USP15: variants seen among roughly 807,000 people sequenced by gnomAD.
USP15 encodes the protein ubiquitin specific peptidase 15.
In USP15, 18 loss-of-function variants were observed where a neutral mutation model predicts 127.1. The ratio of observed to expected loss-of-function variants is 0.14; its 90% CI spans 0.10 to 0.21. The LOEUF is 0.21. USP15 is among the 10% of genes least tolerant of loss of function. USP15 has a pLI of 1.00. For missense variants in USP15, 805 were observed against 1,159.9 expected, an observed-to-expected ratio of 0.69 and a Z score of 4.44; for synonymous variants, 364 against 393.7, an observed-to-expected ratio of 0.92 and a Z score of 0.89.
At chr12:62,365,219 G>C (rs1477967846) in intron 8 of USP15, among the ~76,000 whole-genome samples, 1 of 152,162 alleles carries the variant, frequency 6.6e-6, no homozygotes, top group Non-Finnish European at 1.5e-5. Context: ...TCCAGCATCT[G>C]TTGTTTCCTG....
intron 3 of USP15, among the ~76,000 whole-genome samples, chr12:62,309,365 A>G (rs1038013345): frequency 6.6e-6 from 1 of 152,156 alleles, no homozygotes; most frequent in Non-Finnish European, 1.5e-5. Flanking sequence ...TAAAATGTCA[A>G]TACAGTAAGA....
chr12:62,294,368 G>A (rs1256591281), intron 2 of USP15, 62 bp downstream of exon 2: 4 of 1,555,286 alleles, frequency 2.6e-6, no homozygotes, highest in Non-Finnish European at 3.5e-6. Context: ...ATAAATGTCA[G>A]TGGGTTGAAT....
chr12:62,292,202 G>T (rs1342274428), intron 1 of USP15, among the ~76,000 whole-genome samples: 1 of 152,160 alleles, frequency 6.6e-6, no homozygotes, highest in East Asian at 1.9e-4. Flanking sequence ...CAGCAGGCAG[G>T]AATGTGATGT....
At chr12:62,336,320 C>T in intron 6 of USP15, 1 of 985,358 alleles carries the variant, frequency 1.0e-6, no homozygotes, top group Non-Finnish European at 1.2e-6. Context: ...AATCTTTTTA[C>T]CCCTCCTTCT....
chr12:62,361,975 G>A lies in USP15; in HGVS notation c.915+6500G>A, dbSNP rs73321560. On this transcript the variant is annotated intron_variant, in intron 8 of 21. Coordinates refer to ENST00000280377, the MANE Select transcript of USP15 (RefSeq NM_001252078.2). Reference sequence around the variant, plus strand: ...TTAACAGCCCTGTATTGAACCTGCAGCCTCTGTTAAGAGTGGTACCCTTCT... The same window carrying A: ...TTAACAGCCCTGTATTGAACCTGCAACCTCTGTTAAGAGTGGTACCCTTCT... Among the ~76,000 whole-genome samples, 1,350 of 152,078 alleles carry A rather than the reference G, an allele frequency of 8.9e-3. 18 individuals carry two copies. The highest frequency in any genetic ancestry group is 0.03 in the African/African-American group (1,249 of 41,516).
intron 4 of USP15, among the ~76,000 whole-genome samples, chr12:62,320,328 G>T (rs2064949844): frequency 6.6e-6 from 1 of 152,104 alleles, no homozygotes; most frequent in Non-Finnish European, 1.5e-5. Flanking sequence ...GCTCCTCCAT[G>T]ATAAGATGTG....
At chr12:62,363,706 C>T (rs1422674607) in intron 8 of USP15, among the ~76,000 whole-genome samples, 1 of 151,954 alleles carries the variant, frequency 6.6e-6, no homozygotes, top group Non-Finnish European at 1.5e-5. Context: ...TGCTCTCTCT[C>T]TCCCTCTCTC....
chr12:62,345,845 C>G (rs1392507371), intron 6 of USP15, among the ~76,000 whole-genome samples: 2 of 152,112 alleles, frequency 1.3e-5, no homozygotes, highest in African/African-American at 4.8e-5. Flanking sequence ...CAGAAAAACT[C>G]CCATTTTTAA....
At chr12:62,331,735 G>A (rs796614082) in intron 6 of USP15, among the ~76,000 whole-genome samples, 31 of 152,194 alleles carry the variant, frequency 2.0e-4, no homozygotes, top group African/African-American at 7.5e-4. Flanking sequence ...TTCAAAAAAT[G>A]TTAAGGGTAA....
chr12:62,287,122 A>T (rs1347391434), intron 1 of USP15, among the ~76,000 whole-genome samples: 1 of 152,076 alleles, frequency 6.6e-6, no homozygotes, highest in Non-Finnish European at 1.5e-5. Context: ...AACATTGGGT[A>T]TACACGAACA....
chr12:62,269,758 T>C (rs1464909044), intron 1 of USP15, among the ~76,000 whole-genome samples: 2 of 152,128 alleles, frequency 1.3e-5, no homozygotes, highest in East Asian at 1.9e-4. Flanking sequence ...AATGTTGTTA[T>C]GTGGTATGTG....
At chr12:62,359,955 C>T (rs2066263224) in intron 8 of USP15, among the ~76,000 whole-genome samples, 1 of 152,100 alleles carries the variant, frequency 6.6e-6, no homozygotes, top group East Asian at 1.9e-4. Flanking sequence ...ATCTGTTACT[C>T]CATCTAGAGA....
Position 62,310,565 on chromosome 12 carries a change from T to G in USP15, c.349-4225T>G, listed in dbSNP as rs193116556. On this transcript the variant is annotated intron_variant, in intron 3 of 21. Coordinates refer to ENST00000280377, the MANE Select transcript of USP15 (RefSeq NM_001252078.2). Reference sequence around the variant, plus strand: ...TGTTGCTCAAAAGACATGATTTCATTCTTTGTAATGGCGGAATAGTACTCC... The same window carrying G: ...TGTTGCTCAAAAGACATGATTTCATGCTTTGTAATGGCGGAATAGTACTCC... Among the ~76,000 whole-genome samples the G allele has an allele frequency of 2.4e-4, 36 of 152,040 alleles. No homozygotes were observed. The East Asian group carries it at 6.6e-3, about 28-fold the overall frequency.
intron 20 of USP15, among the ~76,000 whole-genome samples, chr12:62,398,622 A>G (rs970028409): frequency 6.6e-6 from 1 of 152,172 alleles, no homozygotes; most frequent in African/African-American, 2.4e-5. Flanking sequence ...TCTTACCTTT[A>G]TTACATAGCA....
chr12:62,273,603 A>G (rs898722577), intron 1 of USP15, among the ~76,000 whole-genome samples: 5 of 152,114 alleles, frequency 3.3e-5, no homozygotes, highest in Non-Finnish European at 7.4e-5. Context: ...AGATAAGAAT[A>G]TATATAAACA....
In USP15 at chr12:62,333,051, A is replaced by G. The variant is rs564312780; in HGVS notation, c.683+7118A>G. ...TTTAGAAATTTTTAGAGAGTATTCA[A>G]TCCCTGTTTGCATTTATAACTGCGA... On this transcript the variant is annotated intron_variant, in intron 6 of 21. Transcript: ENST00000280377. 4.6e-5 allele frequency among the ~76,000 whole-genome samples: 7 copies of G among 152,312 alleles called. No homozygotes were observed. In the South Asian group the frequency reaches 1.0e-3, roughly 23 times the overall value.
At chr12:62,404,171 T>C in intron 21 of USP15, 22 bp from the exon 22 acceptor site, 1 of 1,575,390 alleles carries the variant, frequency 6.3e-7, no homozygotes. Context: ...CATAACTGTT[T>C]TAACATCCTT....
chr12:62,342,773 G>T (rs1012342292), intron 6 of USP15, among the ~76,000 whole-genome samples: 7 of 152,164 alleles, frequency 4.6e-5, no homozygotes, highest in African/African-American at 1.7e-4. Context: ...TCCTCTGGAA[G>T]CTTCGTCCCA....
chr12:62,382,316 TA>T (rs1229612270), intron 9 of USP15, among the ~76,000 whole-genome samples: 1 of 151,988 alleles, frequency 6.6e-6, no homozygotes, highest in Non-Finnish European at 1.5e-5. Flanking sequence ...CTTAATTATA[TA>T]GGTGAAACTT....
Sources: allele counts gnomAD v4.1 joint callset (sites outside exome capture counted in the v4.1 genomes callset), GRCh38; gene constraint gnomAD v4.1.1; transcripts MANE v1.5; gene names NCBI Gene and HGNC (gene_info 2026-07-23, HGNC 2026-07-21).